MYO6: variants seen among roughly 807,000 people sequenced by gnomAD.
MYO6 encodes the protein unconventional myosin-VI.
In MYO6, 74 loss-of-function variants were observed where a neutral mutation model predicts 178.7. The ratio of observed to expected loss-of-function variants is 0.41; its 90% CI spans 0.34 to 0.50. The LOEUF (loss-of-function observed/expected upper bound fraction) is 0.50, where lower values mean the gene tolerates loss of function less well. MYO6 is among the 20% of genes least tolerant of loss of function. The pLI is 0.09. For synonymous variants in MYO6, 477 were observed against 504.6 expected (o/e 0.95, Z 0.73); for missense variants, 1,330 against 1,547.4 (o/e 0.86, Z 2.36).
chr6:75,891,896 A>C lies in MYO6; in HGVS notation c.2946+590A>C, dbSNP rs190639936. ...GTCTCTCTGTAGAATGTGGATAAATAATAGTTGCAAGCATTTGACAGTTAA... is the reference window on the plus strand; with the variant it reads ...GTCTCTCTGTAGAATGTGGATAAATCATAGTTGCAAGCATTTGACAGTTAA... On this transcript the variant is annotated intron_variant, in intron 27 of 34. Transcript: ENST00000369977. 1.5e-3 allele frequency among the ~76,000 whole-genome samples: 222 copies of C among 152,280 alleles called. 1 individual carries two copies. The highest frequency in any genetic ancestry group is 5.2e-3 in the African/African-American group (215 of 41,556).
chr6:75,824,703 T>TAGTGCCTTAAC (rs766358225), intron 3 of MYO6, among the ~76,000 whole-genome samples: 1 of 152,158 alleles, frequency 6.6e-6, no homozygotes, highest in African/African-American at 2.4e-5. Context: ...GAAACAGAAG[T>TAGTGCCTTAAC]AGTGCCTTAA....
At chr6:75,794,313 T>C (rs1768554209) in intron 1 of MYO6, among the ~76,000 whole-genome samples, 1 of 152,140 alleles carries the variant, frequency 6.6e-6, no homozygotes, top group Non-Finnish European at 1.5e-5. Context: ...AGACTAAACA[T>C]GTTCTTAATG....
intron 11 of MYO6, among the ~76,000 whole-genome samples, chr6:75,854,206 C>T (rs1775532856): frequency 6.6e-6 from 1 of 150,716 alleles, no homozygotes; most frequent in African/African-American, 2.5e-5. Context: ...AAATGGCACA[C>T]GTGCAGGCTG....
intron 22 of MYO6, among the ~76,000 whole-genome samples, chr6:75,880,520 A>G (rs1294497064): frequency 6.6e-6 from 1 of 152,182 alleles, no homozygotes; most frequent in East Asian, 1.9e-4. Context: ...ATGTTTTAAG[A>G]AAGTTTATGA....
intron 1 of MYO6, among the ~76,000 whole-genome samples, chr6:75,809,575 G>A (rs559702458): frequency 2.3e-4 from 35 of 152,228 alleles, no homozygotes; most frequent in African/African-American, 7.2e-4. Context: ...AATTACAGGC[G>A]AAGACATAAT....
At position 75,787,710 on chromosome 6, in the gene MYO6, CTCTCTCTCTCTCTCTCTCTCTATA is replaced by C. The variant is rs1467274144; in HGVS notation, c.-47-29789_-47-29766del. ...TCTCTCTCTCTCTCTCTCTCTCTCT[CTCTCTCTCTCTCTCTCTCTCTATA>C]TATATATATATATATATATATATAT... On this transcript the variant is annotated intron_variant, in intron 1 of 34. Transcript: ENST00000369977. Among the ~76,000 whole-genome samples the C allele has an allele frequency of 5.4e-3, 377 of 70,158 alleles. 2 individuals are homozygous for C. Among genetic ancestry groups the C allele is most frequent in the Non-Finnish European group, 8.2e-3 (291 of 35,356 alleles). The allele number at this position is 70,158 out of a possible 152,430, so 46.0% of individuals were successfully genotyped here. A position where few individuals can be genotyped will look rare whatever the true frequency, so the allele number is the denominator to read the frequency against.
intron 1 of MYO6, among the ~76,000 whole-genome samples, chr6:75,813,727 C>T (rs1483347516): frequency 6.6e-6 from 1 of 152,150 alleles, no homozygotes; most frequent in African/African-American, 2.4e-5. Flanking sequence ...CTGTTCAGGC[C>T]CCAGGGGCTC....
At chr6:75,812,308 A>T (rs993591473) in intron 1 of MYO6, among the ~76,000 whole-genome samples, 5 of 151,982 alleles carry the variant, frequency 3.3e-5, no homozygotes, top group African/African-American at 1.2e-4. Flanking sequence ...TTAAAAATTA[A>T]ATTTTTTTTG....
chr6:75,908,669 TA>T (rs777686720), intron 32 of MYO6, 42 bp downstream of exon 32: 1 of 1,587,736 alleles, frequency 6.3e-7, no homozygotes, highest in Non-Finnish European at 8.6e-7. Context: ...AAAATATATG[TA>T]TATAAATGCA....
intron 1 of MYO6, chr6:75,767,934 T>C (rs1411060083): frequency 6.6e-6 from 1 of 152,188 alleles, no homozygotes; most frequent in Non-Finnish European, 1.5e-5. Flanking sequence ...TTAAAAATAA[T>C]GAAATAAGGT....
chr6:75,891,086 A>C (rs1208081054), intron 26 of MYO6, 142 bp from the exon 27 acceptor site: 1 of 522,434 alleles, frequency 1.9e-6, no homozygotes. Flanking sequence ...TTTATTCAAA[A>C]TAAGTTGATG....
chr6:75,809,469 C>T (rs530269768), intron 1 of MYO6, among the ~76,000 whole-genome samples: 25 of 152,252 alleles, frequency 1.6e-4, no homozygotes, highest in South Asian at 1.0e-3. Flanking sequence ...CCAATATGAA[C>T]GACTATGGCC....
intron 1 of MYO6, among the ~76,000 whole-genome samples, chr6:75,798,133 A>G (rs541232805): frequency 2.4e-4 from 36 of 152,254 alleles, no homozygotes; most frequent in Non-Finnish European, 4.6e-4. Context: ...TTGAATCTTT[A>G]TAATCCATCT....
At chr6:75,810,539 TC>T (rs1214704144) in intron 1 of MYO6, among the ~76,000 whole-genome samples, 1 of 152,186 alleles carries the variant, frequency 6.6e-6, no homozygotes, top group African/African-American at 2.4e-5. Flanking sequence ...ATGTCTGACC[TC>T]CCTTCCTGTC....
rs893509756 is a variant in MYO6 at position 75,804,228 on chromosome 6, C to T, written c.-47-13273C>T. On this transcript the variant is annotated intron_variant, in intron 1 of 34. Transcript: ENST00000369977. ...ATGATTCAATTCCTGAACTTTGGTT[C>T]GGGAACCGAAATGCTTGATAAAAGA... Among the ~76,000 whole-genome samples the T allele has an allele frequency of 2.6e-5, 4 of 152,184 alleles. No homozygotes were observed. In the East Asian group the frequency reaches 7.7e-4, roughly 29 times the overall value.
Position 75,830,535 on chromosome 6 carries a change from C to A in MYO6, c.381C>A (p.Val127=). The change falls in exon 5 of 35, where the codon GTC becomes GTA. Residue 127 remains valine, a synonymous_variant. Coordinates refer to ENST00000369977, the MANE Select transcript of MYO6 (RefSeq NM_004999.4). ...CTCTTGGGACAAGACCACCTCATGT[C>A]TTTGCAATTGGTAAGTGATTTTAAA... The part of the protein sequence containing the change: ...GKSLGTRPPH[V]FAIADKAFRD... 1 of 1,611,198 alleles carries A rather than the reference C, an allele frequency of 6.2e-7. No individual in the cohort carries two copies. Among genetic ancestry groups the A allele is most frequent in the South Asian group, 1.1e-5 (1 of 90,958 alleles).
intron 25 of MYO6, among the ~76,000 whole-genome samples, chr6:75,888,173 C>G (rs1001727091): frequency 6.6e-6 from 1 of 151,490 alleles, no homozygotes; most frequent in Non-Finnish European, 1.5e-5. Flanking sequence ...GCCTGTAGTT[C>G]CAGCTACTTG....
In MYO6 at chr6:75,908,368, T is replaced by G; in HGVS notation, c.3281-128T>G. 3.7e-6 allele frequency: 3 copies of G among 817,154 alleles called. 1 individual carries two copies. The highest frequency in any genetic ancestry group is 5.9e-6 in the Non-Finnish European group (3 of 512,804). 50.6% of individuals were successfully genotyped at this position (817,154 alleles called of 1,614,324 possible). A position where few individuals can be genotyped will look rare whatever the true frequency, so the allele number is the denominator to read the frequency against. The stretch of plus-strand genomic sequence containing the variant: ...TGCTTATCCTTATGAATAATTAGCT[T>G]ACTTTTGATTTTGTACCATTAATTT... On this transcript the variant is annotated intron_variant, in intron 31 of 34. Transcript: ENST00000369977.
Position 75,894,866 on chromosome 6 carries a change from A to G in MYO6, c.3108-365A>G, listed in dbSNP as rs934539975. ...GTAAGAATTGTTTTCTATGTATGTC[A>G]TATGTTCTGAAATATAATTTCAATC... On this transcript the variant is annotated intron_variant, in intron 28 of 34. Transcript: ENST00000369977. The G allele has an allele frequency of 1.6e-5, 23 of 1,396,774 alleles. No individual in the cohort carries two copies. In the Admixed American group the frequency reaches 5.0e-4, roughly 31 times the overall value. The allele number at this position is 1,396,774 out of a possible 1,614,324, so 86.5% of individuals were successfully genotyped here.
Sources: allele counts gnomAD v4.1 joint callset (sites outside exome capture counted in the v4.1 genomes callset), GRCh38; gene constraint gnomAD v4.1.1; transcripts MANE v1.5; gene names NCBI Gene and HGNC (gene_info 2026-07-23, HGNC 2026-07-21).